The following TCF4 variants were observed in gnomAD, a reference collection of about 807,000 sequenced individuals.
TCF4 encodes the protein SL3-3 enhancer factor 2.
TCF4 carries 3 observed loss-of-function variants against 82.1 expected under a neutral mutation model. That is an observed-to-expected ratio of 0.04 (90% CI 0.02 to 0.09). The LOEUF is 0.09. Among genes scored for constraint, TCF4 ranks in the 10% least tolerant of loss-of-function variants. The probability of loss-of-function intolerance (pLI) is 1.00; values close to 1 mark genes in which losing one functional copy is unlikely to be tolerated. For missense variants in TCF4, 518 were observed against 852.7 expected (o/e 0.61, Z 4.89); for synonymous variants, 276 against 309.6 (o/e 0.89, Z 1.14).
chr18:55,449,182 G>A (rs1603472919), intron 5 of TCF4, among the ~76,000 whole-genome samples: 1 of 152,054 alleles, frequency 6.6e-6, no homozygotes, highest in Admixed American at 6.6e-5. Flanking sequence ...AGATCATTTC[G>A]TAAACTATTG....
Position 55,226,648 on chromosome 18 carries a change from C to T in TCF4, c.*1387G>A, listed in dbSNP as rs1256202606. 3 of 151,980 alleles carry T rather than the reference C, an allele frequency of 2.0e-5. No homozygotes were observed. Among genetic ancestry groups the T allele is most frequent in the South Asian group, 2.1e-4 (1 of 4,804 alleles). 9.4% of individuals were successfully genotyped at this position (151,980 alleles called of 1,614,324 possible). A position where few individuals can be genotyped will look rare whatever the true frequency, so the allele number is the denominator to read the frequency against. ...TGATTGAATATTGGCATTTTTCAGACGAAGGAGGAGGCAGTTAAGTCATCT... is the reference window on the plus strand; with the variant it reads ...TGATTGAATATTGGCATTTTTCAGATGAAGGAGGAGGCAGTTAAGTCATCT... On this transcript the variant is annotated 3_prime_UTR_variant, in exon 20 of 20. Coordinates refer to ENST00000354452, the MANE Select transcript of TCF4 (RefSeq NM_001083962.2).
intron 8 of TCF4, among the ~76,000 whole-genome samples, chr18:55,346,679 G>T (rs2144637529): frequency 6.6e-6 from 1 of 152,298 alleles, no homozygotes; most frequent in South Asian, 2.1e-4. Flanking sequence ...AAAGTCTGAA[G>T]TAGAAAGTTT....
At chr18:55,462,848 G>GC (rs2095897987) in intron 4 of TCF4, among the ~76,000 whole-genome samples, 1 of 152,100 alleles carries the variant, frequency 6.6e-6, no homozygotes, top group East Asian at 1.9e-4. Context: ...TGTCAAGCTC[G>GC]ACAGCTGGTG....
chr18:55,382,923 T>C (rs2092146945), intron 6 of TCF4, among the ~76,000 whole-genome samples: 2 of 152,234 alleles, frequency 1.3e-5, no homozygotes, highest in South Asian at 2.1e-4. Context: ...ATACACTATA[T>C]AGGCCAAGCC....
chr18:55,255,419 C>G (rs1053612635), intron 14 of TCF4, among the ~76,000 whole-genome samples: 1 of 152,090 alleles, frequency 6.6e-6, no homozygotes, highest in Non-Finnish European at 1.5e-5. Context: ...GTTCAAAGCC[C>G]CAACTATAGC....
chr18:55,400,783 C>G (rs2146412408), intron 6 of TCF4: 1 of 342,664 alleles, frequency 2.9e-6, no homozygotes, highest in East Asian at 7.5e-5. Flanking sequence ...CTTACCACCA[C>G]TCTGTCTCTA....
chr18:55,404,884 T>C (rs2094007372), intron 5 of TCF4, among the ~76,000 whole-genome samples: 1 of 152,208 alleles, frequency 6.6e-6, no homozygotes, highest in Non-Finnish European at 1.5e-5. Flanking sequence ...AGTATTAACT[T>C]TTCTACTGAT....
chr18:55,514,316 A>G (rs2096857532), intron 3 of TCF4, among the ~76,000 whole-genome samples: 1 of 152,106 alleles, frequency 6.6e-6, no homozygotes, highest in South Asian at 2.1e-4. Context: ...ACTTCCTGAC[A>G]GTGACTCAAT....
At position 55,518,298 on chromosome 18, in the gene TCF4, T is replaced by C. The variant is rs944689265; in HGVS notation, c.146-54161A>G. 3.8e-4 allele frequency among the ~76,000 whole-genome samples: 58 copies of C among 152,092 alleles called. 1 individual carries two copies. Among genetic ancestry groups the C allele is most frequent in the Admixed American group, 6.5e-5 (1 of 15,268 alleles). On this transcript the variant is annotated intron_variant, in intron 3 of 19. Coordinates refer to ENST00000354452, the MANE Select transcript of TCF4 (RefSeq NM_001083962.2). Reference sequence around the variant, plus strand: ...GTTAAGTAGAGCAAATTTAGTTCTATGAAACTACACAATTTCACAGAAACA... The same window carrying C: ...GTTAAGTAGAGCAAATTTAGTTCTACGAAACTACACAATTTCACAGAAACA...
chr18:55,621,666 ATATAATATACATTATATAT>A (rs1323703719), intron 2 of TCF4, among the ~76,000 whole-genome samples: 26,173 of 68,162 alleles, frequency 0.38, 7,185 homozygotes, highest in Admixed American at 0.54. Flanking sequence ...AATATACATT[ATATAATATACATTATATAT>A]TATATTATAT....
intron 10 of TCF4, among the ~76,000 whole-genome samples, chr18:55,271,634 T>C (rs2060403740): frequency 1.3e-5 from 2 of 152,130 alleles, no homozygotes; most frequent in African/African-American, 2.4e-5. Flanking sequence ...CTTTCAAATT[T>C]TTAAATTCCA....
intron 3 of TCF4, among the ~76,000 whole-genome samples, chr18:55,580,156 T>C (rs996672442): frequency 2.0e-5 from 3 of 152,000 alleles, no homozygotes; most frequent in Non-Finnish European, 2.9e-5. Flanking sequence ...CAGTGTCAAA[T>C]AGAGTACTGC....
At chr18:55,382,358 C>G (rs1481716078) in intron 6 of TCF4, among the ~76,000 whole-genome samples, 1 of 152,060 alleles carries the variant, frequency 6.6e-6, no homozygotes, top group Non-Finnish European at 1.5e-5. Flanking sequence ...GCTTCCTCCC[C>G]TCAGAATTGT....
At chr18:55,369,239 G>C (rs947870172) in intron 6 of TCF4, among the ~76,000 whole-genome samples, 2 of 152,202 alleles carry the variant, frequency 1.3e-5, no homozygotes, top group Non-Finnish European at 2.9e-5. Flanking sequence ...CTTAAGGAAA[G>C]AGATTAAGAC....
At position 55,240,905 on chromosome 18, in the gene TCF4, T is replaced by A. The variant is rs1261075; in HGVS notation, c.1351-6222A>T. Reference sequence around the variant, plus strand: ...TCGGGAGAAGATTTCATAACTGTCTTGAGAACACCTACATTGTTTTCCAGA... The same window carrying A: ...TCGGGAGAAGATTTCATAACTGTCTAGAGAACACCTACATTGTTTTCCAGA... On this transcript the variant is annotated intron_variant, in intron 15 of 19. Coordinates refer to ENST00000354452, the MANE Select transcript of TCF4 (RefSeq NM_001083962.2). 1.5e-3 allele frequency among the ~76,000 whole-genome samples: 229 copies of A among 152,378 alleles called. 1 individual carries two copies. Among genetic ancestry groups the A allele is most frequent in the African/African-American group, 5.3e-3 (220 of 41,590 alleles).
chr18:55,606,606 G>A (rs944291725), intron 2 of TCF4, among the ~76,000 whole-genome samples: 1 of 152,172 alleles, frequency 6.6e-6, no homozygotes, highest in Admixed American at 6.5e-5. Context: ...GATAAAGGTA[G>A]AAATTTCATT....
intron 3 of TCF4, among the ~76,000 whole-genome samples, chr18:55,539,009 A>AAC (rs2097142446): frequency 6.6e-6 from 1 of 152,010 alleles, no homozygotes; most frequent in African/African-American, 2.4e-5. Context: ...CACTCCTCCA[A>AAC]ACACACTCTC....
chr18:55,590,274 CG>C (rs1403568841), upstream of TCF4, among the ~76,000 whole-genome samples: 2 of 152,160 alleles, frequency 1.3e-5, no homozygotes, highest in Non-Finnish European at 2.9e-5. Context: ...GAGCCTTGGG[CG>C]GCATGGGAAA....
At chr18:55,465,747 A>T (rs1603492118) in intron 3 of TCF4, among the ~76,000 whole-genome samples, 1 of 152,322 alleles carries the variant, frequency 6.6e-6, no homozygotes, top group South Asian at 2.1e-4. Flanking sequence ...AACAAAAACC[A>T]AATATTTTCA....
Sources: allele counts gnomAD v4.1 joint callset (sites outside exome capture counted in the v4.1 genomes callset), GRCh38; gene constraint gnomAD v4.1.1; transcripts MANE v1.5; gene names NCBI Gene and HGNC (gene_info 2026-07-23, HGNC 2026-07-21).